SAMSN1: variants seen among roughly 807,000 people sequenced by gnomAD.
SAMSN1 encodes SAM domain-containing protein SAMSN-1.
A neutral mutation model predicts 42.0 loss-of-function variants in SAMSN1; 31 were observed. The observed-to-expected ratio is 0.74, with a 90% CI of 0.55 to 1.00. The LOEUF is 1.00. SAMSN1 is among the 50% of genes least tolerant of loss of function. The probability of loss-of-function intolerance (pLI) is 0.00; values close to 1 mark genes in which losing one functional copy is unlikely to be tolerated. For missense variants in SAMSN1, 464 were observed against 439.4 expected, an observed-to-expected ratio of 1.06 and a Z score of -0.50; for synonymous variants, 178 against 151.9, an observed-to-expected ratio of 1.17 and a Z score of -1.26.
intron 1 of SAMSN1, among the ~76,000 whole-genome samples, chr21:14,646,491 A>G (rs905946407): frequency 6.6e-6 from 1 of 152,218 alleles, no homozygotes; most frequent in Non-Finnish European, 1.5e-5. Flanking sequence ...CAAGAACGCC[A>G]GGTCAGTCCT....
intron 7 of SAMSN1, among the ~76,000 whole-genome samples, chr21:14,493,582 C>CAA (rs1986786786): frequency 1.5e-5 from 1 of 66,452 alleles, no homozygotes; most frequent in Non-Finnish European, 5.0e-5. Flanking sequence ...ACAACACACA[C>CAA]ACACACACAC....
chr21:14,515,594 G>A (rs560857162), intron 3 of SAMSN1, among the ~76,000 whole-genome samples: 1 of 152,074 alleles, frequency 6.6e-6, no homozygotes, highest in Non-Finnish European at 1.5e-5. Flanking sequence ...ACAATGGTTT[G>A]TTAAATATGT....
chr21:14,594,144 A>G, intron 6 of SAMSN1: 2 of 626,934 alleles, frequency 3.2e-6, no homozygotes, highest in Non-Finnish European at 5.8e-6. Flanking sequence ...AAAACAAAAA[A>G]ACTCCACAAA....
At chr21:14,614,690 A>T (rs1253365289) in intron 3 of SAMSN1, among the ~76,000 whole-genome samples, 1 of 152,206 alleles carries the variant, frequency 6.6e-6, no homozygotes, top group Non-Finnish European at 1.5e-5. Flanking sequence ...TTAATTTTTA[A>T]TGCAAAATGC....
At chr21:14,567,058 A>G (rs927595538) in intron 2 of SAMSN1, among the ~76,000 whole-genome samples, 4 of 152,170 alleles carry the variant, frequency 2.6e-5, no homozygotes, top group Admixed American at 2.6e-4. Flanking sequence ...TTTGCTCCTC[A>G]ATGATTGGGT....
intron 7 of SAMSN1, among the ~76,000 whole-genome samples, chr21:14,589,989 G>A (rs1034304826): frequency 1.3e-4 from 20 of 152,064 alleles, no homozygotes; most frequent in African/African-American, 4.8e-4. Flanking sequence ...AATGGAAACC[G>A]AAACTTCAAG....
At chr21:14,601,654 A>G (rs1600956788) in intron 6 of SAMSN1, among the ~76,000 whole-genome samples, 1 of 152,206 alleles carries the variant, frequency 6.6e-6, no homozygotes, top group Non-Finnish European at 1.5e-5. Context: ...TCCTGGGCTA[A>G]TTAATGCAGT....
chr21:14,646,971 T>G (rs1399991582), intron 1 of SAMSN1, among the ~76,000 whole-genome samples: 2 of 152,170 alleles, frequency 1.3e-5, no homozygotes, highest in Non-Finnish European at 1.5e-5. Context: ...CAAAGTCACC[T>G]TCACTAGACA....
At chr21:14,499,339 TAAGTG>T in intron 6 of SAMSN1, among the ~76,000 whole-genome samples, 1 of 152,210 alleles carries the variant, frequency 6.6e-6, no homozygotes, top group Non-Finnish European at 1.5e-5. Flanking sequence ...ATAAAAATAT[TAAGTG>T]AAGTTGAGTG....
At position 14,627,548 on chromosome 21, in the gene SAMSN1, C is replaced by T. The variant is rs140759645; in HGVS notation, c.157-11532G>A. 1.2e-4 allele frequency among the ~76,000 whole-genome samples: 18 copies of T among 152,264 alleles called. 1 individual carries two copies. In the East Asian group the frequency reaches 3.1e-3, roughly 26 times the overall value. On this transcript the variant is annotated intron_variant, in intron 2 of 15. Coordinates refer to the SAMSN1 transcript ENST00000647101. Reference sequence around the variant, plus strand: ...CTCCAAACTGATCTAGAATTGAAGGCTGTTAGGAAGACTATTCTCACACAT... The same window carrying T: ...CTCCAAACTGATCTAGAATTGAAGGTTGTTAGGAAGACTATTCTCACACAT...
At chr21:14,577,234 G>GTATATA (rs1482765050) in intron 2 of SAMSN1, among the ~76,000 whole-genome samples, 2 of 21,326 alleles carry the variant, frequency 9.4e-5, no homozygotes, top group African/African-American at 1.9e-4. Flanking sequence ...TTATATATAT[G>GTATATA]TGTGTATATA....
chr21:14,512,689 AG>A (rs1987741391), intron 3 of SAMSN1, 116 bp from the exon 4 acceptor site: 1 of 952,258 alleles, frequency 1.1e-6, no homozygotes, highest in Admixed American at 2.1e-5. Flanking sequence ...AGGATACATA[AG>A]GATAAAATAC....
rs192281603 is a variant in SAMSN1, at chr21:14,566,480, G to T, written c.261+15656C>A. On this transcript the variant is annotated intron_variant, in intron 2 of 8. Coordinates refer to the SAMSN1 transcript ENST00000285670. ...CTTAAAAATTACTGCATTTTACAAA[G>T]GTAAAGGCAGGGGGAGGTTGGCCCA... Among the ~76,000 whole-genome samples the T allele has an allele frequency of 4.2e-3, 634 of 152,032 alleles. 6 individuals are homozygous for T. Among genetic ancestry groups the T allele is most frequent in the African/African-American group, 0.014 (595 of 41,486 alleles).
intron 5 of SAMSN1, among the ~76,000 whole-genome samples, chr21:14,509,409 G>A (rs1987574893): frequency 6.6e-6 from 1 of 152,208 alleles, no homozygotes; most frequent in Admixed American, 6.5e-5. Context: ...GGGAAAGGGT[G>A]AGAAGGTGGT....
intron 2 of SAMSN1, among the ~76,000 whole-genome samples, chr21:14,559,172 A>G (rs892518511): frequency 6.6e-6 from 1 of 152,220 alleles, no homozygotes; most frequent in African/African-American, 2.4e-5. Context: ...AACTTTCTTT[A>G]CAAGATAATA....
At chr21:14,487,208 C>T (rs546838123) in intron 7 of SAMSN1, among the ~76,000 whole-genome samples, 1 of 152,210 alleles carries the variant, frequency 6.6e-6, no homozygotes, top group Non-Finnish European at 1.5e-5. Flanking sequence ...CTTTGCACTT[C>T]ATCCCATTCC....
intron 5 of SAMSN1, among the ~76,000 whole-genome samples, chr21:14,507,712 A>G (rs1290073376): frequency 2.6e-5 from 4 of 152,218 alleles, no homozygotes; most frequent in African/African-American, 9.6e-5. Context: ...TAAAATTCAT[A>G]TGGAACCAAA....
intron 2 of SAMSN1, among the ~76,000 whole-genome samples, chr21:14,637,616 C>A (rs1038935103): frequency 2.6e-5 from 4 of 151,966 alleles, no homozygotes; most frequent in African/African-American, 9.7e-5. Flanking sequence ...CCAGAAGTTG[C>A]AGCAAAGATT....
intron 2 of SAMSN1, among the ~76,000 whole-genome samples, chr21:14,632,173 C>A (rs1983347185): frequency 6.6e-6 from 1 of 151,420 alleles, no homozygotes; most frequent in African/African-American, 2.4e-5. Flanking sequence ...GTAGTAGCTG[C>A]TTGATTTGGC....
Sources: gnomAD v4.1 joint callset for allele counts (sites outside exome capture counted in the v4.1 genomes callset) on GRCh38, gnomAD v4.1.1 for gene constraint, MANE v1.5 for transcripts, NCBI Gene and HGNC (gene_info 2026-07-23, HGNC 2026-07-21) for gene names.